The following KIRREL3 variants were observed in gnomAD, a reference collection of about 807,000 sequenced individuals.
KIRREL3 encodes the protein kirre like nephrin family adhesion molecule 3, also known as kin of IRRE-like protein 3.
A neutral mutation model predicts 89.7 loss-of-function variants in KIRREL3; 36 were observed. That is an observed-to-expected ratio of 0.40 (90% CI 0.31 to 0.53). The LOEUF (loss-of-function observed/expected upper bound fraction) is 0.53. KIRREL3 is among the 20% of genes least tolerant of loss of function. The pLI is 0.49. For missense variants in KIRREL3, 864 were observed against 1,056.6 expected, an observed-to-expected ratio of 0.82 and a Z score of 2.53; for synonymous variants, 445 against 441.4, an observed-to-expected ratio of 1.01 and a Z score of -0.10.
intron 1 of KIRREL3, among the ~76,000 whole-genome samples, chr11:126,770,312 C>T (rs1338506567): frequency 6.6e-6 from 1 of 152,126 alleles, no homozygotes; most frequent in Non-Finnish European, 1.5e-5. Context: ...CCTATAGACA[C>T]CCGCAAAAGT....
chr11:126,914,857 T>G (rs925297790), intron 1 of KIRREL3, among the ~76,000 whole-genome samples: 2 of 152,244 alleles, frequency 1.3e-5, no homozygotes, highest in African/African-American at 4.8e-5. Context: ...CAACAAGTCT[T>G]GCCAAATGTA....
intron 1 of KIRREL3, among the ~76,000 whole-genome samples, chr11:126,618,442 T>A (rs1943443526): frequency 6.6e-6 from 1 of 152,008 alleles, no homozygotes; most frequent in Non-Finnish European, 1.5e-5. Flanking sequence ...TTTTTTTTTG[T>A]TTTTAGACAG....
rs747073518 is a variant in KIRREL3 at position 126,664,262 on chromosome 11, GATC to G, written c.56-101353_56-101351del. ...TTTTTTTTTTTTTTACCATCATTATGATCATCAACCCAGCACCAATTATGTAGA... is the reference window on the plus strand; with the variant it reads ...TTTTTTTTTTTTTTACCATCATTATGATCAACCCAGCACCAATTATGTAGA... On this transcript the variant is annotated intron_variant, in intron 1 of 16. Coordinates refer to ENST00000525144, the MANE Select transcript of KIRREL3 (RefSeq NM_032531.4). The surrounding 1 kb of genome is among the most constrained non-coding windows in gnomAD (Gnocchi z 5.4). Among the ~76,000 whole-genome samples the G allele has an allele frequency of 2.7e-5, 4 of 149,806 alleles. No individual in the cohort carries two copies. The highest frequency in any genetic ancestry group is 4.4e-5 in the Non-Finnish European group (3 of 67,768).
At chr11:126,968,049 T>A (rs528025877) in intron 1 of KIRREL3, among the ~76,000 whole-genome samples, 7 of 152,220 alleles carry the variant, frequency 4.6e-5, no homozygotes, top group African/African-American at 7.2e-5. Flanking sequence ...AGAAACTTCA[T>A]AGACATTTGC....
rs1190859884 is a variant in KIRREL3 at position 126,515,552 on chromosome 11, C to A, written c.433+5763G>T. Among the ~76,000 whole-genome samples the A allele has an allele frequency of 6.6e-6, 1 of 152,184 alleles. No homozygotes were observed. The highest frequency in any genetic ancestry group is 1.5e-5 in the Non-Finnish European group (1 of 68,036). On this transcript the variant is annotated intron_variant, in intron 4 of 16. Transcript: ENST00000525144. This position sits in a 1 kb window ranked among gnomAD's most constrained non-coding sequence, Gnocchi z 4.2. The stretch of plus-strand genomic sequence containing the variant: ...GGAGGAGGAGTTGTCTGAGGTGAAT[C>A]TTGACAGCTGAACACAAGTTAGCCA...
chr11:126,488,563 G>A (rs1427818224), intron 4 of KIRREL3, among the ~76,000 whole-genome samples: 2 of 152,274 alleles, frequency 1.3e-5, no homozygotes, highest in South Asian at 2.1e-4. Context: ...TTAAGGCAGA[G>A]TGGCAAGGAA....
rs1337775131 is a variant in KIRREL3, at chr11:126,903,957, G to T, written c.55+96498C>A. 6.6e-6 allele frequency among the ~76,000 whole-genome samples: 1 copy of T among 152,172 alleles called. No homozygotes were observed. Among genetic ancestry groups the T allele is most frequent in the African/African-American group, 2.4e-5 (1 of 41,454 alleles). On this transcript the variant is annotated intron_variant, in intron 1 of 16. Coordinates refer to ENST00000525144, the MANE Select transcript of KIRREL3 (RefSeq NM_032531.4). This position sits in a 1 kb window ranked among gnomAD's most constrained non-coding sequence, Gnocchi z 4.5. ...CTTGGTTCACCCTGGAACAGAACCA[G>T]TTCTTTACAAGGTGACCCTATAATA... is the stretch of plus-strand genomic sequence containing the variant.
chr11:126,526,478 G>A lies in KIRREL3; in HGVS notation c.283+60C>T. On this transcript the variant is annotated intron_variant, in intron 3 of 16. Coordinates refer to ENST00000525144, the MANE Select transcript of KIRREL3 (RefSeq NM_032531.4). The surrounding 1 kb of genome is among the most constrained non-coding windows in gnomAD (Gnocchi z 5.7). ...AAGATGGGTGCTCCCTAGGAAGGTG[G>A]ATGGGTGAGTAAGGAAGTGATGGCC... 1 of 1,527,766 alleles carries A rather than the reference G, an allele frequency of 6.5e-7. No individual in the cohort carries two copies. The highest frequency in any genetic ancestry group is 9.0e-7 in the Non-Finnish European group (1 of 1,116,030). 94.6% of individuals were successfully genotyped at this position (1,527,766 alleles called of 1,614,324 possible). A position where few individuals can be genotyped will look rare whatever the true frequency, so the allele number is the denominator to read the frequency against.
chr11:126,859,932 G>T (rs1344133511), intron 1 of KIRREL3, among the ~76,000 whole-genome samples: 2 of 152,076 alleles, frequency 1.3e-5, no homozygotes, highest in Non-Finnish European at 2.9e-5. Context: ...ACATATCTCA[G>T]TTGAAAACCA....
chr11:126,717,735 A>G (rs1170764084), intron 1 of KIRREL3, among the ~76,000 whole-genome samples: 1 of 152,222 alleles, frequency 6.6e-6, no homozygotes, highest in Non-Finnish European at 1.5e-5. Context: ...ACTTTATTGC[A>G]ATTACAAATA....
rs1591700473 is a variant in KIRREL3 at position 126,537,784 on chromosome 11, T to C, written c.134-11097A>G. On this transcript the variant is annotated intron_variant, in intron 2 of 16. Transcript: ENST00000525144. The surrounding 1 kb of genome is among the most constrained non-coding windows in gnomAD (Gnocchi z 4.3). ...TGAGAGGTTTTATATGTAAATGATCTTGGTAGACAGGTGTTTCACAAAGGG... is the reference window on the plus strand; with the variant it reads ...TGAGAGGTTTTATATGTAAATGATCCTGGTAGACAGGTGTTTCACAAAGGG... Among the ~76,000 whole-genome samples the C allele has an allele frequency of 6.6e-6, 1 of 152,230 alleles. No homozygotes were observed. Among genetic ancestry groups the C allele is most frequent in the Non-Finnish European group, 1.5e-5 (1 of 68,040 alleles).
chr11:126,936,065 T>C (rs889164242), intron 1 of KIRREL3: 22 of 152,088 alleles, frequency 1.4e-4, no homozygotes, highest in African/African-American at 5.3e-4. Flanking sequence ...ATCTACATTT[T>C]CAAAAATGGG....
At position 126,844,302 on chromosome 11, in the gene KIRREL3, T is replaced by A. The variant is rs1213962622; in HGVS notation, c.55+156153A>T. On this transcript the variant is annotated intron_variant, in intron 1 of 16. Transcript: ENST00000525144. This position sits in a 1 kb window ranked among gnomAD's most constrained non-coding sequence, Gnocchi z 4.8. The stretch of plus-strand genomic sequence containing the variant: ...GTAAGTGGTGGGGTCCGGTGACATC[T>A]TTCTGGTGACCACAGAAGGGACAAT... Among the ~76,000 whole-genome samples, 2 of 152,072 alleles carry A rather than the reference T, an allele frequency of 1.3e-5. No homozygotes were observed.
Position 126,748,845 on chromosome 11 carries a change from C to T in KIRREL3, c.56-185933G>A, listed in dbSNP as rs1357197861. Among the ~76,000 whole-genome samples the T allele has an allele frequency of 6.6e-6, 1 of 152,138 alleles. No individual in the cohort carries two copies. Among genetic ancestry groups the T allele is most frequent in the Non-Finnish European group, 1.5e-5 (1 of 68,028 alleles). ...GTGCCTAGCTACTGTGTTGTTGAAA[C>T]GAGCTTCTTTGATTTACTCAGTGTA... On this transcript the variant is annotated intron_variant, in intron 1 of 16. Coordinates refer to ENST00000525144, the MANE Select transcript of KIRREL3 (RefSeq NM_032531.4). The surrounding 1 kb of genome is among the most constrained non-coding windows in gnomAD (Gnocchi z 4.6).
chr11:126,499,930 A>G (rs1046630230), intron 4 of KIRREL3, among the ~76,000 whole-genome samples: 9 of 152,190 alleles, frequency 5.9e-5, no homozygotes, highest in African/African-American at 2.2e-4. Context: ...CCTTGAGGGC[A>G]CAGAGGGCAT....
At chr11:126,702,824 C>G (rs1947362535) in intron 1 of KIRREL3, among the ~76,000 whole-genome samples, 1 of 152,140 alleles carries the variant, frequency 6.6e-6, no homozygotes, top group Admixed American at 6.5e-5. Flanking sequence ...GGCCTGTGGT[C>G]CCCTGAAGAA....
intron 1 of KIRREL3, among the ~76,000 whole-genome samples, chr11:126,592,660 G>A (rs975698952): frequency 2.0e-5 from 3 of 152,184 alleles, no homozygotes; most frequent in Non-Finnish European, 2.9e-5. Flanking sequence ...GAAACAGCGC[G>A]CCTGGGGCCA....
Position 126,715,880 on chromosome 11 carries a change from C to A in KIRREL3, c.56-152968G>T, listed in dbSNP as rs949206067. Among the ~76,000 whole-genome samples, 1 of 152,138 alleles carries A rather than the reference C, an allele frequency of 6.6e-6. No individual in the cohort carries two copies. Among genetic ancestry groups the A allele is most frequent in the African/African-American group, 2.4e-5 (1 of 41,438 alleles). ...GGTGCTCCTCTGAAGAATGCAAGAG[C>A]AATCTGCAGTGTTATTGACTAGTGG... On this transcript the variant is annotated intron_variant, in intron 1 of 16. Coordinates refer to ENST00000525144, the MANE Select transcript of KIRREL3 (RefSeq NM_032531.4). The surrounding 1 kb of genome is among the most constrained non-coding windows in gnomAD (Gnocchi z 4.4).
At position 126,463,059 on chromosome 11, in the gene KIRREL3, A is replaced by C. The variant is rs994032831; in HGVS notation, c.742+98T>G. On this transcript the variant is annotated intron_variant, in intron 6 of 16. Transcript: ENST00000525144. The surrounding 1 kb of genome is among the most constrained non-coding windows in gnomAD (Gnocchi z 5.9). ...GCCAATCCACAGAGCTGCCTGACCC[A>C]TTTCCTGCTATCAGATGGGCCAGGC... is the stretch of plus-strand genomic sequence containing the variant. 1 of 1,225,818 alleles carries C rather than the reference A, an allele frequency of 8.2e-7. No individual in the cohort carries two copies. Among genetic ancestry groups the C allele is most frequent in the Admixed American group, 2.0e-5 (1 of 50,100 alleles). 75.9% of individuals were successfully genotyped at this position (1,225,818 alleles called of 1,614,324 possible). A position where few individuals can be genotyped will look rare whatever the true frequency, so the allele number is the denominator to read the frequency against.
Sources: gnomAD v4.1 joint callset for allele counts (sites outside exome capture counted in the v4.1 genomes callset) on GRCh38, gnomAD v4.1.1 for gene constraint, Gnocchi (gnomAD v3.1) non-coding constraint, MANE v1.5 for transcripts, NCBI Gene and HGNC (gene_info 2026-07-23, HGNC 2026-07-21) for gene names.